MAPK10: variants seen among roughly 807,000 people sequenced by gnomAD.
MAPK10 encodes the protein JNK3 alpha protein kinase.
MAPK10 carries 25 observed loss-of-function variants against 59.3 expected under a neutral mutation model. The observed-to-expected ratio is 0.42, with a 90% CI of 0.31 to 0.59. The LOEUF is 0.59. Among genes scored for constraint, MAPK10 ranks in the 20% least tolerant of loss-of-function variants. MAPK10 has a pLI of 0.15. For missense variants in MAPK10, 351 were observed against 568.9 expected (o/e 0.62, Z 3.90); for synonymous variants, 190 against 200.5 (o/e 0.95, Z 0.44).
chr4:86,450,277 A>G (rs2149054348), intron 1 of MAPK10, among the ~76,000 whole-genome samples: 1 of 152,358 alleles, frequency 6.6e-6, no homozygotes, highest in South Asian at 2.1e-4. Flanking sequence ...AGTATTATAC[A>G]GTTTAATTAT....
At chr4:86,521,727 A>G (rs964072369) in intron 1 of MAPK10, among the ~76,000 whole-genome samples, 4 of 152,066 alleles carry the variant, frequency 2.6e-5, no homozygotes, top group Admixed American at 1.3e-4. Flanking sequence ...AATCCTCCCC[A>G]CTGAGAAAGC....
chr4:86,198,139 T>C (rs953106952), intron 2 of MAPK10, among the ~76,000 whole-genome samples: 2 of 152,118 alleles, frequency 1.3e-5, no homozygotes, highest in Non-Finnish European at 2.9e-5. Context: ...GAAACACTAG[T>C]TTGTTCCAGA....
At chr4:86,287,331 T>A (rs926797729) in intron 2 of MAPK10, among the ~76,000 whole-genome samples, 6 of 152,206 alleles carry the variant, frequency 3.9e-5, no homozygotes, top group African/African-American at 1.4e-4. Flanking sequence ...ATATTAATTA[T>A]GAACTATTTC....
chr4:86,411,430 G>C (rs1304807273), intron 1 of MAPK10, among the ~76,000 whole-genome samples: 1 of 151,848 alleles, frequency 6.6e-6, no homozygotes, highest in Non-Finnish European at 1.5e-5. Flanking sequence ...GCTTGGTCCA[G>C]AGCTGAGTTC....
chr4:86,341,130 C>T (rs990163585), intron 2 of MAPK10, among the ~76,000 whole-genome samples: 1 of 152,050 alleles, frequency 6.6e-6, no homozygotes, highest in Non-Finnish European at 1.5e-5. Flanking sequence ...AGCCAAAACC[C>T]GCAGGAATTT....
At chr4:86,372,674 A>G (rs1739091928) in intron 1 of MAPK10, among the ~76,000 whole-genome samples, 1 of 152,174 alleles carries the variant, frequency 6.6e-6, no homozygotes, top group Admixed American at 6.5e-5. Flanking sequence ...TGGGTAAATA[A>G]CAAAATTAAG....
intron 2 of MAPK10, among the ~76,000 whole-genome samples, chr4:86,211,873 T>A (rs2085913617): frequency 6.6e-6 from 1 of 152,090 alleles, no homozygotes; most frequent in Admixed American, 6.6e-5. Context: ...TGGTATAAAT[T>A]CAAATTGGTG....
upstream of MAPK10, among the ~76,000 whole-genome samples, chr4:86,362,657 G>A (rs1170671670): frequency 6.6e-6 from 1 of 151,984 alleles, no homozygotes; most frequent in African/African-American, 2.4e-5. Flanking sequence ...TTTGACAAAG[G>A]AAAATTTATA....
chr4:86,177,997 T>C (rs2076064557), intron 3 of MAPK10, among the ~76,000 whole-genome samples: 1 of 152,120 alleles, frequency 6.6e-6, no homozygotes, highest in Non-Finnish European at 1.5e-5. Flanking sequence ...TTGGCTATTA[T>C]ATCTTACAAC....
intron 9 of MAPK10, among the ~76,000 whole-genome samples, chr4:86,091,730 G>A (rs1469224308): frequency 1.3e-5 from 2 of 151,440 alleles, no homozygotes; most frequent in Non-Finnish European, 2.9e-5. Context: ...CTGGATTGCA[G>A]TGGCACGATC....
chr4:86,291,802 T>C (rs1408309617), intron 2 of MAPK10, among the ~76,000 whole-genome samples: 1 of 152,192 alleles, frequency 6.6e-6, no homozygotes, highest in Non-Finnish European at 1.5e-5. Context: ...TGACTCATTT[T>C]GCAAGTGCTA....
At chr4:86,020,382 A>G (rs1745824699) in intron 13 of MAPK10, 1 of 152,242 alleles carries the variant, frequency 6.6e-6, no homozygotes, top group African/African-American at 2.4e-5. Flanking sequence ...ATTACAAATA[A>G]TGCTGTTATG....
At chr4:86,298,956 G>A (rs1166423142) in intron 2 of MAPK10, among the ~76,000 whole-genome samples, 1 of 152,128 alleles carries the variant, frequency 6.6e-6, no homozygotes, top group Non-Finnish European at 1.5e-5. Context: ...TCCCCTTGAA[G>A]CTGACATTAA....
chr4:86,312,167 T>A (rs551249816), intron 2 of MAPK10, among the ~76,000 whole-genome samples: 1 of 152,240 alleles, frequency 6.6e-6, no homozygotes, highest in East Asian at 1.9e-4. Context: ...CTGACACTGG[T>A]TATCCAGTTT....
intron 3 of MAPK10, among the ~76,000 whole-genome samples, chr4:86,188,084 C>A (rs1285929453): frequency 6.6e-6 from 1 of 152,068 alleles, no homozygotes; most frequent in Non-Finnish European, 1.5e-5. Flanking sequence ...TGAACTCATC[C>A]TTTTTATGGC....
intron 1 of MAPK10, among the ~76,000 whole-genome samples, chr4:86,523,861 C>T (rs1044811994): frequency 6.6e-6 from 1 of 152,180 alleles, no homozygotes; most frequent in Non-Finnish European, 1.5e-5. Flanking sequence ...CTTTCTCTAT[C>T]TACGCTTGGC....
At chr4:86,378,347 T>C (rs1740137431) in intron 1 of MAPK10, among the ~76,000 whole-genome samples, 2 of 152,280 alleles carry the variant, frequency 1.3e-5, no homozygotes, top group East Asian at 3.9e-4. Flanking sequence ...CTCTCTTCCT[T>C]AACGTGTGCA....
chr4:86,480,888 G>A (rs1029511533), intron 1 of MAPK10, among the ~76,000 whole-genome samples: 2 of 152,184 alleles, frequency 1.3e-5, no homozygotes, highest in African/African-American at 4.8e-5. Context: ...GCTTAGATTT[G>A]ATAAAGAATG....
chr4:86,488,575 C>T (rs1250592234), intron 1 of MAPK10, among the ~76,000 whole-genome samples: 1 of 152,188 alleles, frequency 6.6e-6, no homozygotes, highest in African/African-American at 2.4e-5. Flanking sequence ...CACCCACACT[C>T]CTTTCTTCTA....
Sources: gnomAD v4.1 joint callset for allele counts (sites outside exome capture counted in the v4.1 genomes callset) on GRCh38, gnomAD v4.1.1 for gene constraint, MANE v1.5 for transcripts, NCBI Gene and HGNC (gene_info 2026-07-23, HGNC 2026-07-21) for gene names.